The following CNTN5 variants were observed in gnomAD, a reference collection of about 807,000 sequenced individuals.
CNTN5 encodes the protein contactin-5.
Under a neutral mutation model 129.1 loss-of-function variants are expected in CNTN5, and 77 were observed. That is an observed-to-expected ratio of 0.60 (90% confidence interval 0.50 to 0.72). The LOEUF (loss-of-function observed/expected upper bound fraction) is 0.72, where lower values mean the gene tolerates loss of function less well. Among genes scored for constraint, CNTN5 ranks in the 30% least tolerant of loss-of-function variants. The pLI, the probability that CNTN5 is intolerant of heterozygous loss-of-function variation, is 0.00. For synonymous variants in CNTN5, 509 were observed against 465.6 expected (o/e 1.09, Z -1.20); for missense variants, 1,478 against 1,328.8 (o/e 1.11, Z -1.75).
In CNTN5 at chr11:99,686,164, TTTG is replaced by T. The variant is rs560103583; in HGVS notation, c.55+129898_55+129900del. On this transcript the variant is annotated intron_variant, in intron 3 of 24. Transcript: ENST00000524871. ...ATATATCTTTTAATCTGCAAATGGC[TTTG>T]TTAACATGGTTTTATACAGTCATTA... Among the ~76,000 whole-genome samples, 1,099 of 152,184 alleles carry T rather than the reference TTTG, an allele frequency of 7.2e-3. 10 individuals are homozygous for T. The highest frequency in any genetic ancestry group is 0.012 in the Non-Finnish European group (812 of 67,946).
At chr11:99,236,460 TCACACACAAA>T (rs1170570290) in intron 1 of CNTN5, among the ~76,000 whole-genome samples, 2 of 78,704 alleles carry the variant, frequency 2.5e-5, no homozygotes, top group East Asian at 3.9e-4. Context: ...CTACACACAC[TCACACACAAA>T]CACACACACA....
chr11:99,817,525 CT>C (rs1170361418), intron 3 of CNTN5, among the ~76,000 whole-genome samples: 1 of 146,278 alleles, frequency 6.8e-6, no homozygotes, highest in Non-Finnish European at 1.5e-5. Context: ...ATTGATTATT[CT>C]TATCTGGCTT....
At chr11:99,301,681 T>TA (rs1234486862) in intron 1 of CNTN5, among the ~76,000 whole-genome samples, 2 of 151,768 alleles carry the variant, frequency 1.3e-5, no homozygotes, top group Non-Finnish European at 3.0e-5. Flanking sequence ...ATAGAACCTC[T>TA]AGGCAGAAGA....
rs199547894 is a variant in CNTN5, at chr11:100,074,136, T to C, written c.1430-8T>C. The stretch of plus-strand genomic sequence containing the variant: ...TCTGGTAGAAACTAACATTTGCTTT[T>C]TTAATAGCTTCAGCTCCCACTTTTG... On this transcript the variant is annotated splice_polypyrimidine_tract_variant and splice_region_variant and intron_variant, in intron 12 of 24. Transcript: ENST00000524871. 101 of 1,605,650 alleles carry C rather than the reference T, an allele frequency of 6.3e-5. No individual in the cohort carries two copies. In the African/African-American group the frequency reaches 1.2e-3, roughly 18 times the overall value.
At chr11:99,718,639 TGAGAA>T (rs1237151202) in intron 3 of CNTN5, among the ~76,000 whole-genome samples, 2 of 152,078 alleles carry the variant, frequency 1.3e-5, no homozygotes, top group Non-Finnish European at 2.9e-5. Flanking sequence ...GTCAGAAACT[TGAGAA>T]GAACAGAATA....
At chr11:99,272,695 A>T (rs1357258737) in intron 1 of CNTN5, among the ~76,000 whole-genome samples, 1 of 151,908 alleles carries the variant, frequency 6.6e-6, no homozygotes, top group Non-Finnish European at 1.5e-5. Context: ...CATGATACTT[A>T]CATTAAACAA....
intron 18 of CNTN5, among the ~76,000 whole-genome samples, chr11:100,278,806 T>C (rs950961824): frequency 6.6e-6 from 1 of 151,998 alleles, no homozygotes; most frequent in African/African-American, 2.4e-5. Flanking sequence ...ATATTTCTCC[T>C]GTCTGATTGC....
chr11:99,263,434 T>G (rs2135830623), intron 1 of CNTN5, among the ~76,000 whole-genome samples: 1 of 152,220 alleles, frequency 6.6e-6, no homozygotes, highest in East Asian at 1.9e-4. Flanking sequence ...AAAAGTCTAT[T>G]ACATGTGAAA....
intron 6 of CNTN5, among the ~76,000 whole-genome samples, chr11:99,902,796 A>G (rs1269392639): frequency 3.3e-5 from 5 of 152,168 alleles, no homozygotes; most frequent in East Asian, 3.9e-4. Flanking sequence ...ATTATTTTAC[A>G]TACTAGTTGA....
intron 9 of CNTN5, among the ~76,000 whole-genome samples, chr11:100,009,609 A>G (rs11222337): frequency 1.3e-5 from 2 of 152,148 alleles, no homozygotes; most frequent in Admixed American, 6.6e-5. Context: ...GAAGAATTAG[A>G]TTGGGTGTAA....
At chr11:99,109,127 GTATA>G (rs1857660921) in intron 1 of CNTN5, among the ~76,000 whole-genome samples, 1 of 150,932 alleles carries the variant, frequency 6.6e-6, no homozygotes, top group African/African-American at 2.4e-5. Flanking sequence ...ATGTCTATAT[GTATA>G]TATACATATT....
intron 1 of CNTN5, among the ~76,000 whole-genome samples, chr11:99,181,697 TA>T (rs1200506030): frequency 6.6e-6 from 1 of 152,186 alleles, no homozygotes; most frequent in African/African-American, 2.4e-5. Context: ...GAAATAGTAC[TA>T]TGCCTTCATT....
At chr11:100,215,734 ATT>A (rs1412606815) in intron 15 of CNTN5, among the ~76,000 whole-genome samples, 4 of 152,188 alleles carry the variant, frequency 2.6e-5, no homozygotes, top group Non-Finnish European at 4.4e-5. Flanking sequence ...CATATGGAGC[ATT>A]GACATTCCAT....
chr11:100,149,893 CAAAAAAAAAAAAAAGAAAAG>C (rs1217267115), intron 13 of CNTN5, among the ~76,000 whole-genome samples: 4 of 117,148 alleles, frequency 3.4e-5, no homozygotes, highest in Admixed American at 9.2e-5. Context: ...GACTCCATCT[CAAAAAAAAAAAAAAGAAAAG>C]AAAAGAAAAA....
chr11:99,562,570 A>C (rs1948877151), intron 3 of CNTN5, among the ~76,000 whole-genome samples: 1 of 152,196 alleles, frequency 6.6e-6, no homozygotes, highest in Admixed American at 6.5e-5. Context: ...ACTGGTTATG[A>C]ATACATGAGA....
At chr11:100,019,957 C>T (rs981430789) in intron 9 of CNTN5, among the ~76,000 whole-genome samples, 1 of 151,856 alleles carries the variant, frequency 6.6e-6, no homozygotes, top group Non-Finnish European at 1.5e-5. Context: ...TGAGAACTGT[C>T]TATTCAATCC....
chr11:100,069,753 A>ATT (rs1434534532), intron 10 of CNTN5, among the ~76,000 whole-genome samples: 1 of 152,198 alleles, frequency 6.6e-6, no homozygotes, highest in African/African-American at 2.4e-5. Flanking sequence ...TTTAAACAGA[A>ATT]TATTTGTAAA....
Position 99,796,301 on chromosome 11 carries a change from C to A in CNTN5, c.56-23243C>A, listed in dbSNP as rs868593894. Among the ~76,000 whole-genome samples the A allele has an allele frequency of 3.9e-5, 6 of 152,056 alleles. No individual in the cohort carries two copies. In the East Asian group the frequency reaches 9.7e-4, roughly 24 times the overall value. On this transcript the variant is annotated intron_variant, in intron 3 of 24. Coordinates refer to ENST00000524871, the MANE Select transcript of CNTN5 (RefSeq NM_014361.4). The stretch of plus-strand genomic sequence containing the variant: ...AGGGAGTGGCAGGGTGTGCTCCAGC[C>A]GGCACTCATAGCGTGGTGGAGTGCA...
chr11:99,312,867 G>A (rs927759604), intron 1 of CNTN5, among the ~76,000 whole-genome samples: 1 of 151,486 alleles, frequency 6.6e-6, no homozygotes, highest in African/African-American at 2.4e-5. Context: ...ACAATTGGAA[G>A]CCTAGGGATG....
Sources: allele counts gnomAD v4.1 joint callset (sites outside exome capture counted in the v4.1 genomes callset), GRCh38; gene constraint gnomAD v4.1.1; transcripts MANE v1.5; gene names NCBI Gene and HGNC (gene_info 2026-07-23, HGNC 2026-07-21).